Variants in ITPR1 observed in about 807,000 individuals in gnomAD.
ITPR1 encodes inositol 1,4,5-trisphosphate-gated calcium channel ITPR1.
ITPR1 carries 96 observed loss-of-function variants against 318.4 expected under a neutral mutation model. That is an observed-to-expected ratio of 0.30 (90% CI 0.26 to 0.36). The LOEUF (loss-of-function observed/expected upper bound fraction) is 0.36. ITPR1 is among the 10% of genes least tolerant of loss of function. ITPR1 has a pLI of 1.00. For synonymous variants in ITPR1, 1,312 were observed against 1,289.9 expected, an observed-to-expected ratio of 1.02 and a Z score of -0.37; for missense variants, 2,440 against 3,460.2, an observed-to-expected ratio of 0.71 and a Z score of 7.40.
intron 4 of ITPR1, among the ~76,000 whole-genome samples, chr3:4,618,083 T>C (rs2092457604): frequency 6.6e-6 from 1 of 151,994 alleles, no homozygotes; most frequent in African/African-American, 2.4e-5. Context: ...AACTGCTTAA[T>C]AGGTACAGAG....
At chr3:4,786,618 T>C (rs1388303020) in intron 51 of ITPR1, among the ~76,000 whole-genome samples, 5 of 152,196 alleles carry the variant, frequency 3.3e-5, no homozygotes, top group Non-Finnish European at 7.3e-5. Context: ...CTGTAACCCA[T>C]AGCCCTTTCG....
chr3:4,800,149 T>G, intron 53 of ITPR1: 9 of 426,090 alleles, frequency 2.1e-5, no homozygotes, highest in South Asian at 3.3e-5. Context: ...AGGAAGGGGA[T>G]TGGGGGAGGC....
chr3:4,592,445 T>C (rs2090465701), intron 4 of ITPR1, among the ~76,000 whole-genome samples: 1 of 152,208 alleles, frequency 6.6e-6, no homozygotes, highest in South Asian at 2.1e-4. Context: ...GAGTGATTCC[T>C]CTTGTTTTCC....
chr3:4,803,362 G>A (rs1272990887), intron 54 of ITPR1, among the ~76,000 whole-genome samples: 4 of 152,202 alleles, frequency 2.6e-5, no homozygotes, highest in Non-Finnish European at 4.4e-5. Context: ...ATTGGGTAAT[G>A]AAGGAGGCAA....
chr3:4,680,937 A>G (rs77113596), intron 25 of ITPR1, among the ~76,000 whole-genome samples: 85 of 152,320 alleles, frequency 5.6e-4, no homozygotes, highest in African/African-American at 2.0e-3. Context: ...TGAGGTTTCC[A>G]GCATTGTGGC....
intron 6 of ITPR1, 133 bp from the exon 7 acceptor site, chr3:4,641,960 T>A: frequency 1.6e-6 from 1 of 625,172 alleles, no homozygotes; most frequent in Middle Eastern, 4.7e-4. Flanking sequence ...GTAGGCACTT[T>A]GTGATTCTCT....
chr3:4,615,493 C>T lies in ITPR1; in HGVS notation c.164-12270C>T, dbSNP rs2092352703. On this transcript the variant is annotated intron_variant, in intron 4 of 61. Coordinates refer to ENST00000649015, the MANE Select transcript of ITPR1 (RefSeq NM_001378452.1). The stretch of plus-strand genomic sequence containing the variant: ...CCGGGTTCAAGTGATTCTCCTGCCT[C>T]AGCCTCCCGAGTAACTGGGATTATA... Among the ~76,000 whole-genome samples the T allele has an allele frequency of 2.0e-5, 3 of 151,548 alleles. No individual in the cohort carries two copies. In the South Asian group the frequency reaches 6.3e-4, roughly 32 times the overall value.
chr3:4,784,929 G>C (rs1047468884), intron 51 of ITPR1, among the ~76,000 whole-genome samples: 2 of 152,072 alleles, frequency 1.3e-5, no homozygotes, highest in African/African-American at 4.8e-5. Context: ...TGCATTGTGA[G>C]TGTGGAGATG....
At chr3:4,723,502 G>T (rs909498976) in intron 40 of ITPR1, among the ~76,000 whole-genome samples, 1 of 152,002 alleles carries the variant, frequency 6.6e-6, no homozygotes, top group Admixed American at 6.6e-5. Context: ...GAACAAGCAT[G>T]ACAGCAGTTT....
chr3:4,728,606 T>C (rs552455619), intron 42 of ITPR1, among the ~76,000 whole-genome samples: 14 of 152,304 alleles, frequency 9.2e-5, no homozygotes, highest in African/African-American at 2.9e-4. Context: ...CCAATTACAC[T>C]CTTTAAGTTA....
intron 60 of ITPR1, among the ~76,000 whole-genome samples, chr3:4,829,387 G>C (rs1215377492): frequency 6.6e-6 from 1 of 152,150 alleles, no homozygotes; most frequent in Non-Finnish European, 1.5e-5. Context: ...AAAGAGAACT[G>C]AATTCCTTGA....
intron 23 of ITPR1, among the ~76,000 whole-genome samples, chr3:4,675,639 C>A (rs1237603912): frequency 1.3e-5 from 2 of 151,848 alleles, no homozygotes; most frequent in Admixed American, 1.3e-4. Context: ...TTCGTGAGAC[C>A]CTTGATAATA....
intron 40 of ITPR1, among the ~76,000 whole-genome samples, chr3:4,722,141 A>G (rs1206644037): frequency 5.3e-5 from 8 of 152,146 alleles, no homozygotes; most frequent in Admixed American, 2.0e-4. Context: ...TTGAATTTCT[A>G]TTTCAAAGCC....
Position 4,588,199 on chromosome 3 carries a change from A to ATGCATACAGTCTTCTCATATTCTTGC in ITPR1, c.164-39559_164-39534dup, listed in dbSNP as rs1420804550. 1.4e-4 allele frequency among the ~76,000 whole-genome samples: 22 copies of ATGCATACAGTCTTCTCATATTCTTGC among 152,312 alleles called. No homozygotes were observed. In the South Asian group the frequency reaches 1.4e-3, roughly 10 times the overall value. On this transcript the variant is annotated intron_variant, in intron 4 of 61. Transcript: ENST00000649015. ...TGATTTTCTATTATATAAGAAGTAG[A>ATGCATACAGTCTTCTCATATTCTTGC]TGCATACAGTCTTCTCATATTCTTG...
chr3:4,808,167 C>T (rs1246509525), intron 55 of ITPR1, among the ~76,000 whole-genome samples: 1 of 152,238 alleles, frequency 6.6e-6, no homozygotes, highest in Non-Finnish European at 1.5e-5. Context: ...ATTACAGGGA[C>T]AGCCGTTTTG....
rs868676500 is a variant in ITPR1 at position 4,515,612 on chromosome 3, C to T, written c.-16-864C>T. Among the ~76,000 whole-genome samples the T allele has an allele frequency of 3.9e-5, 6 of 151,996 alleles. No individual in the cohort carries two copies. The South Asian group carries it at 1.2e-3, about 32-fold the overall frequency. The stretch of plus-strand genomic sequence containing the variant: ...GTTCCCACTCCTCAATATTTATGGC[C>T]CTGATGAAAGCTGTTTCTAGGAGTC... On this transcript the variant is annotated intron_variant, in intron 2 of 61. Coordinates refer to ENST00000649015, the MANE Select transcript of ITPR1 (RefSeq NM_001378452.1).
intron 9 of ITPR1, 49 bp from the exon 10 acceptor site, chr3:4,645,533 C>T: frequency 6.2e-7 from 1 of 1,608,140 alleles, no homozygotes; most frequent in Non-Finnish European, 8.5e-7. Context: ...CAGTCTAATT[C>T]TCTTTTTAAA....
intron 4 of ITPR1, among the ~76,000 whole-genome samples, chr3:4,581,317 G>A (rs1248327034): frequency 1.3e-5 from 2 of 152,186 alleles, no homozygotes; most frequent in Admixed American, 6.5e-5. Flanking sequence ...CACATCTGCA[G>A]TGATGCTGTG....
chr3:4,819,484 G>A (rs922320156), intron 60 of ITPR1, among the ~76,000 whole-genome samples: 1 of 152,166 alleles, frequency 6.6e-6, no homozygotes, highest in Non-Finnish European at 1.5e-5. Flanking sequence ...GAAGCTGCTG[G>A]CCCGGGAATC....
Sources: allele counts gnomAD v4.1 joint callset (sites outside exome capture counted in the v4.1 genomes callset), GRCh38; gene constraint gnomAD v4.1.1; transcripts MANE v1.5; gene names NCBI Gene and HGNC (gene_info 2026-07-23, HGNC 2026-07-21).